DACH1: variants seen among roughly 807,000 people sequenced by gnomAD.
The protein encoded by DACH1 is dachshund family transcription factor 1.
In DACH1, 12 loss-of-function variants were observed where a neutral mutation model predicts 54.2. The ratio of observed to expected loss-of-function variants is 0.22; its 90% CI spans 0.14 to 0.36. The LOEUF (loss-of-function observed/expected upper bound fraction) is 0.36. Ranked by LOEUF, DACH1 falls within the 10% of genes least tolerant of loss-of-function variation. The pLI, the probability that DACH1 is intolerant of heterozygous loss-of-function variation, is 1.00. For synonymous variants in DACH1, 386 were observed against 366.2 expected (o/e 1.05, Z -0.62); for missense variants, 805 against 929.8 (o/e 0.87, Z 1.75).
intron 3 of DACH1, among the ~76,000 whole-genome samples, chr13:71,617,966 T>C (rs970147911): frequency 6.6e-6 from 1 of 152,156 alleles, no homozygotes; most frequent in Non-Finnish European, 1.5e-5. Context: ...TAAAATAAAA[T>C]GGATGTCATA....
Position 71,715,732 on chromosome 13 carries a change from G to A in DACH1, c.849-33822C>T, listed in dbSNP as rs151004339. On this transcript the variant is annotated intron_variant, in intron 1 of 10. Transcript: ENST00000613252. ...AAATAAAAAGACAACTTTCAGTCTC[G>A]GGGAACAATTAATGGGCTCTGAAAA... Among the ~76,000 whole-genome samples the A allele has an allele frequency of 3.3e-3, 498 of 151,648 alleles. 1 individual carries two copies. The highest frequency in any genetic ancestry group is 0.011 in the African/African-American group (463 of 41,374).
intron 3 of DACH1, among the ~76,000 whole-genome samples, chr13:71,604,783 TC>T (rs1440865481): frequency 2.6e-5 from 4 of 151,860 alleles, no homozygotes; most frequent in Non-Finnish European, 4.4e-5. Flanking sequence ...AAAAGCATTA[TC>T]TTATCAGCTC....
In DACH1 at chr13:71,809,907, C is replaced by G. The variant is rs1159873884; in HGVS notation, c.848+56015G>C. Among the ~76,000 whole-genome samples the G allele has an allele frequency of 2.6e-5, 4 of 152,206 alleles. No individual in the cohort carries two copies. In the East Asian group the frequency reaches 7.7e-4, roughly 29 times the overall value. On this transcript the variant is annotated intron_variant, in intron 1 of 10. Transcript: ENST00000613252. ...TGTTAATTCCCGAAAGTTCAGAGTC[C>G]TCAAGAAAAAGAGATTGAGACAGGT...
chr13:71,519,344 G>C (rs1881399278), intron 6 of DACH1, among the ~76,000 whole-genome samples: 1 of 151,752 alleles, frequency 6.6e-6, no homozygotes, highest in African/African-American at 2.4e-5. Flanking sequence ...AATCACAAGT[G>C]AGTTTTTGGC....
At chr13:71,751,758 CT>C (rs968093165) in intron 1 of DACH1, among the ~76,000 whole-genome samples, 9 of 152,038 alleles carry the variant, frequency 5.9e-5, no homozygotes, top group African/African-American at 2.2e-4. Context: ...GTTTTCTCAC[CT>C]CTTAAAATAA....
At chr13:71,836,260 C>T (rs980675222) in intron 1 of DACH1, among the ~76,000 whole-genome samples, 1 of 148,940 alleles carries the variant, frequency 6.7e-6, no homozygotes, top group East Asian at 2.0e-4. Context: ...CTACATTTTC[C>T]AAAAAAAAAG....
At position 71,556,244 on chromosome 13, in the gene DACH1, T is replaced by A. The variant is rs550006956; in HGVS notation, c.1570+780A>T. Among the ~76,000 whole-genome samples the A allele has an allele frequency of 3.3e-5, 5 of 152,294 alleles. No homozygotes were observed. The East Asian group carries it at 7.7e-4, about 24-fold the overall frequency. Reference sequence around the variant, plus strand: ...AAAGAAATACCCTTATTCACAACACTGATTATTTGATGGCTTTGTCAAAAA... The same window carrying A: ...AAAGAAATACCCTTATTCACAACACAGATTATTTGATGGCTTTGTCAAAAA... On this transcript the variant is annotated intron_variant, in intron 6 of 10. Coordinates refer to ENST00000613252, the MANE Select transcript of DACH1 (RefSeq NM_080759.6).
intron 3 of DACH1, among the ~76,000 whole-genome samples, chr13:71,622,458 T>C (rs1876318498): frequency 6.6e-6 from 1 of 151,988 alleles, no homozygotes; most frequent in Non-Finnish European, 1.5e-5. Flanking sequence ...TCATCAATCA[T>C]ATGAAATTCA....
intron 1 of DACH1, among the ~76,000 whole-genome samples, chr13:71,856,279 G>A (rs1873993917): frequency 6.6e-6 from 1 of 151,772 alleles, no homozygotes; most frequent in African/African-American, 2.4e-5. Context: ...CTGTCCCTGG[G>A]GGTCTTTTGG....
chr13:71,616,905 G>T (rs1875815971), intron 3 of DACH1, among the ~76,000 whole-genome samples: 1 of 148,640 alleles, frequency 6.7e-6, no homozygotes, highest in South Asian at 2.1e-4. Context: ...TTCTGAGATG[G>T]AGTTTCGCTC....
intron 6 of DACH1, among the ~76,000 whole-genome samples, chr13:71,537,380 A>G (rs1029359174): frequency 6.6e-6 from 1 of 152,056 alleles, no homozygotes; most frequent in African/African-American, 2.4e-5. Flanking sequence ...CAAAACACCA[A>G]CTAATATAAG....
At chr13:71,528,350 T>C (rs1882152024) in intron 6 of DACH1, among the ~76,000 whole-genome samples, 1 of 151,922 alleles carries the variant, frequency 6.6e-6, no homozygotes, top group Non-Finnish European at 1.5e-5. Flanking sequence ...TCATCAACTA[T>C]GGAATATATG....
At chr13:71,606,831 G>A (rs1874915114) in intron 3 of DACH1, among the ~76,000 whole-genome samples, 1 of 152,020 alleles carries the variant, frequency 6.6e-6, no homozygotes, top group Admixed American at 6.6e-5. Flanking sequence ...GTGAAAGGTA[G>A]CAAAAGATCC....
intron 1 of DACH1, among the ~76,000 whole-genome samples, chr13:71,793,675 C>A (rs921323486): frequency 4.6e-5 from 7 of 152,062 alleles, no homozygotes; most frequent in South Asian, 2.1e-4. Flanking sequence ...GGACTACAGG[C>A]ATGTGCCACT....
At chr13:71,484,793 C>T (rs1269025408) in intron 7 of DACH1, among the ~76,000 whole-genome samples, 7 of 152,172 alleles carry the variant, frequency 4.6e-5, no homozygotes, top group East Asian at 1.9e-4. Flanking sequence ...TAGGCCCGGG[C>T]GCGGTGGCTC....
intron 1 of DACH1, among the ~76,000 whole-genome samples, chr13:71,732,108 A>G (rs1883777286): frequency 6.6e-6 from 1 of 152,154 alleles, no homozygotes; most frequent in South Asian, 2.1e-4. Context: ...TCTTGATTCC[A>G]CCATTATCTA....
chr13:71,576,729 C>A (rs1000406817), intron 3 of DACH1, among the ~76,000 whole-genome samples: 1 of 152,088 alleles, frequency 6.6e-6, no homozygotes, highest in African/African-American at 2.4e-5. Flanking sequence ...GAGCCTTGAG[C>A]AGATTTTGAG....
intron 1 of DACH1, among the ~76,000 whole-genome samples, chr13:71,805,886 C>G (rs1335393297): frequency 2.6e-5 from 4 of 152,126 alleles, no homozygotes; most frequent in Non-Finnish European, 5.9e-5. Flanking sequence ...CATCTCACTG[C>G]AACTTCTACC....
At chr13:71,561,076 TAGG>T (rs1423833864) in intron 4 of DACH1, among the ~76,000 whole-genome samples, 3 of 152,118 alleles carry the variant, frequency 2.0e-5, no homozygotes, top group Non-Finnish European at 4.4e-5. Flanking sequence ...GGAAAACAAA[TAGG>T]AGGTTCCAGG....
Sources: allele counts gnomAD v4.1 joint callset (sites outside exome capture counted in the v4.1 genomes callset), GRCh38; gene constraint gnomAD v4.1.1; transcripts MANE v1.5; gene names NCBI Gene and HGNC (gene_info 2026-07-23, HGNC 2026-07-21).